HEATR5A: variants seen among roughly 807,000 people sequenced by gnomAD.
HEATR5A encodes the protein HEAT repeat-containing protein 5A.
HEATR5A carries 178 observed loss-of-function variants against 218.8 expected under a neutral mutation model. That is an observed-to-expected ratio of 0.81 (90% CI 0.72 to 0.92). HEATR5A has a LOEUF of 0.92. Among genes scored for constraint, HEATR5A ranks in the 40% least tolerant of loss-of-function variants. The probability of loss-of-function intolerance (pLI) is 0.00; values close to 1 mark genes in which losing one functional copy is unlikely to be tolerated. For missense variants in HEATR5A, 2,420 were observed against 2,418.9 expected (o/e 1.00, Z -0.01); for synonymous variants, 864 against 871.6 (o/e 0.99, Z 0.15).
At chr14:31,399,633 C>G (rs1473427632) in intron 3 of HEATR5A, among the ~76,000 whole-genome samples, 1 of 152,100 alleles carries the variant, frequency 6.6e-6, no homozygotes, top group Non-Finnish European at 1.5e-5. Flanking sequence ...AGTTTGAGAC[C>G]AGCCTGGCCA....
Position 31,394,051 on chromosome 14 carries a change from C to G in HEATR5A, c.772+1G>C. On this transcript the variant is annotated splice_donor_variant, in intron 6 of 35. Coordinates refer to ENST00000543095, the MANE Select transcript of HEATR5A (RefSeq NM_015473.4). LOFTEE classifies it high-confidence loss of function. ...CTTTGAAAATAATTACATGTATTTACCTGTTCCTGGATGTTTAGAAATTAC... is the reference window on the plus strand; with the variant it reads ...CTTTGAAAATAATTACATGTATTTAGCTGTTCCTGGATGTTTAGAAATTAC... The G allele has an allele frequency of 6.6e-7, 1 of 1,505,438 alleles. No individual in the cohort carries two copies. Among genetic ancestry groups the G allele is most frequent in the Non-Finnish European group, 8.9e-7 (1 of 1,128,320 alleles). 93.3% of individuals were successfully genotyped at this position (1,505,438 alleles called of 1,614,324 possible).
At position 31,293,630 on chromosome 14, in the gene HEATR5A, A is replaced by G; in HGVS notation, c.5834-18T>C. 6.3e-7 allele frequency: 1 copy of G among 1,576,810 alleles called. No homozygotes were observed. Among genetic ancestry groups the G allele is most frequent in the Non-Finnish European group, 8.6e-7 (1 of 1,165,460 alleles). ...CTGAGCGCCTAGAAAGTAAACAAAT[A>G]ATATAAGTTCAGTGACATAAATGTT... On this transcript the variant is annotated intron_variant, in intron 35 of 35. Coordinates refer to ENST00000543095, the MANE Select transcript of HEATR5A (RefSeq NM_015473.4).
rs1446891831 is a variant in HEATR5A at position 31,374,835 on chromosome 14, T to C, written c.1842A>G (p.Gly614=). 6.2e-7 allele frequency: 1 copy of C among 1,613,494 alleles called. No individual in the cohort carries two copies. Among genetic ancestry groups the C allele is most frequent in the East Asian group, 2.2e-5 (1 of 44,870 alleles). The part of the protein sequence containing the change: ...DSFTWQVTLE[G]RAGALCAIKS... ...ACCTACCACACAGTGCACCAGCTCG[T>C]CCTTCCAGGGTCACCTGCCATGTAA... Residue 614 remains glycine (G), a synonymous_variant, in exon 12 of 36, where the codon GGA becomes GGG. Coordinates refer to ENST00000543095, the MANE Select transcript of HEATR5A (RefSeq NM_015473.4).
intron 21 of HEATR5A, chr14:31,340,623 C>A (rs1460786931): frequency 5.1e-6 from 2 of 395,636 alleles, no homozygotes; most frequent in African/African-American, 2.1e-5. Flanking sequence ...AAATTTGCCA[C>A]AAATATTTTA....
intron 16 of HEATR5A, among the ~76,000 whole-genome samples, chr14:31,355,368 G>A (rs1901387905): frequency 6.6e-6 from 1 of 151,316 alleles, no homozygotes; most frequent in African/African-American, 2.4e-5. Flanking sequence ...AGCCGAGATG[G>A]TGCCACTGCA....
At chr14:31,346,542 G>A (rs1901028598) in intron 19 of HEATR5A, among the ~76,000 whole-genome samples, 2 of 152,104 alleles carry the variant, frequency 1.3e-5, no homozygotes, top group Non-Finnish European at 2.9e-5. Context: ...AAAAAGAAAA[G>A]GTAAATGTAG....
chr14:31,371,779 C>G (rs774409390), intron 13 of HEATR5A, 31 bp downstream of exon 13: 1 of 1,065,482 alleles, frequency 9.4e-7, no homozygotes, highest in South Asian at 1.7e-5. Context: ...AATCAGAGGG[C>G]AACTATCAAA....
intron 1 of HEATR5A, among the ~76,000 whole-genome samples, chr14:31,405,329 G>A (rs549351458): frequency 6.6e-6 from 1 of 152,288 alleles, no homozygotes; most frequent in African/African-American, 2.4e-5. Flanking sequence ...AGCTGATTGG[G>A]AGGTTGAGGC....
At chr14:31,301,020 G>A (rs577211926) in intron 33 of HEATR5A, among the ~76,000 whole-genome samples, 5 of 152,126 alleles carry the variant, frequency 3.3e-5, no homozygotes, top group Non-Finnish European at 7.3e-5. Flanking sequence ...GCAATTTATA[G>A]GAGCCAGGCT....
chr14:31,298,871 G>A (rs1899275565), intron 33 of HEATR5A, among the ~76,000 whole-genome samples: 1 of 151,836 alleles, frequency 6.6e-6, no homozygotes, highest in African/African-American at 2.4e-5. Flanking sequence ...TCTTCTTCCT[G>A]TGAAGAGAAG....
chr14:31,380,713 A>G, intron 10 of HEATR5A, 135 bp from the exon 11 acceptor site: 1 of 641,534 alleles, frequency 1.6e-6, no homozygotes, highest in Non-Finnish European at 2.7e-6. Flanking sequence ...TCATTCGTGT[A>G]GACTACATAA....
chr14:31,378,459 T>G (rs917762971), intron 11 of HEATR5A, among the ~76,000 whole-genome samples: 4 of 152,210 alleles, frequency 2.6e-5, no homozygotes, highest in Non-Finnish European at 4.4e-5. Flanking sequence ...GAAGCTAAAC[T>G]TGATCTAGTC....
chr14:31,364,394 G>A, intron 13 of HEATR5A, 96 bp from the exon 14 acceptor site: 1 of 605,050 alleles, frequency 1.7e-6, no homozygotes, highest in South Asian at 2.5e-5. Context: ...AATTAGCTAT[G>A]TATTTTATTA....
rs150674375 is a variant in HEATR5A, at chr14:31,380,257, G to C, written c.1708+210C>G. Among the ~76,000 whole-genome samples, 455 of 152,274 alleles carry C rather than the reference G, an allele frequency of 3.0e-3. 3 individuals carry two copies. The highest frequency in any genetic ancestry group is 0.01 in the African/African-American group (421 of 41,558). On this transcript the variant is annotated intron_variant, in intron 11 of 35. Transcript: ENST00000543095. ...TACTTGAGGCTTATCATCTAGCCCG[G>C]AAGAGAAAATCAAGAGAGATCTCAA...
intron 30 of HEATR5A, among the ~76,000 whole-genome samples, chr14:31,307,218 A>G (rs1237713766): frequency 3.3e-5 from 5 of 152,224 alleles, no homozygotes; most frequent in Non-Finnish European, 7.3e-5. Flanking sequence ...AATAATAGAC[A>G]GTCTTTGCAG....
chr14:31,301,337 C>T (rs551335141), intron 33 of HEATR5A, among the ~76,000 whole-genome samples: 1 of 152,098 alleles, frequency 6.6e-6, no homozygotes, highest in East Asian at 1.9e-4. Context: ...CTCACTGCAA[C>T]CTCTGCCTCC....
rs1002430963 is a variant in HEATR5A, at chr14:31,321,794, C to T, written c.3788-114G>A. ...TTTTTCCTCCTTTAAGTACCTCTGA[C>T]TTGATATACTGTTTTTGCTGTTTGT... On this transcript the variant is annotated intron_variant, in intron 24 of 35. Transcript: ENST00000543095. The T allele has an allele frequency of 6.8e-6, 5 of 730,280 alleles. No individual in the cohort carries two copies. The African/African-American group carries it at 8.9e-5, about 13-fold the overall frequency. The allele number at this position is 730,280 out of a possible 1,614,324, so 45.2% of individuals were successfully genotyped here.
At chr14:31,349,064 A>C (rs1901117564) in intron 18 of HEATR5A, among the ~76,000 whole-genome samples, 1 of 152,176 alleles carries the variant, frequency 6.6e-6, no homozygotes, top group South Asian at 2.1e-4. Context: ...GAGAGGATTA[A>C]GTAATCTACT....
At chr14:31,315,648 TTTTG>T (rs568469336) in intron 27 of HEATR5A, 118 bp downstream of exon 27, 5 of 681,010 alleles carry the variant, frequency 7.3e-6, no homozygotes, top group African/African-American at 1.8e-5. Flanking sequence ...TTGGAATTCT[TTTTG>T]TTTAACCTTA....
Sources: allele counts gnomAD v4.1 joint callset (sites outside exome capture counted in the v4.1 genomes callset), GRCh38; gene constraint gnomAD v4.1.1; transcripts MANE v1.5; gene names NCBI Gene and HGNC (gene_info 2026-07-23, HGNC 2026-07-21).